AGBL4: variants seen among roughly 807,000 people sequenced by gnomAD.
The protein encoded by AGBL4 is cytosolic carboxypeptidase 6.
A neutral mutation model predicts 66.4 loss-of-function variants in AGBL4; 58 were observed. That is an observed-to-expected ratio of 0.87 (90% confidence interval 0.71 to 1.09). The LOEUF is 1.09. AGBL4 is among the 50% of genes least tolerant of loss of function. The pLI is 0.00. For missense variants in AGBL4, 579 were observed against 631.0 expected (o/e 0.92, Z 0.88); for synonymous variants, 234 against 222.9 (o/e 1.05, Z -0.44).
At chr1:49,948,458 T>A (rs1276244471) in intron 1 of AGBL4, among the ~76,000 whole-genome samples, 1 of 52,848 alleles carries the variant, frequency 1.9e-5, no homozygotes, top group Non-Finnish European at 3.9e-5. Flanking sequence ...TATATAAATA[T>A]AGATAAATAT....
chr1:48,683,003 C>T (rs997263003), intron 6 of AGBL4, among the ~76,000 whole-genome samples: 1 of 152,150 alleles, frequency 6.6e-6, no homozygotes, highest in Admixed American at 6.5e-5. Flanking sequence ...CCAAGAGATG[C>T]TTTAAAATTG....
intron 7 of AGBL4, among the ~76,000 whole-genome samples, chr1:48,659,843 G>A (rs927396656): frequency 3.9e-5 from 6 of 152,244 alleles, no homozygotes; most frequent in South Asian, 2.1e-4. Flanking sequence ...CACTTATTTA[G>A]TATTTTCTCT....
At chr1:49,162,702 C>G (rs549117848) in intron 4 of AGBL4, among the ~76,000 whole-genome samples, 1 of 152,222 alleles carries the variant, frequency 6.6e-6, no homozygotes, top group South Asian at 2.1e-4. Flanking sequence ...TTAATTATAG[C>G]TCTGTCATTT....
chr1:49,603,527 AAAATAAAT>A (rs59509776), intron 3 of AGBL4, among the ~76,000 whole-genome samples: 11,720 of 140,584 alleles, frequency 0.083, 601 homozygotes, highest in Non-Finnish European at 0.12. Context: ...TCCATCTCAA[AAAATAAAT>A]AAATAAATAA....
intron 6 of AGBL4, among the ~76,000 whole-genome samples, chr1:48,811,868 A>T (rs760697924): frequency 7.2e-5 from 11 of 152,180 alleles, no homozygotes; most frequent in Admixed American, 2.0e-4. Flanking sequence ...TGTCCAGGGC[A>T]TGGCTATCTC....
chr1:49,855,988 A>G (rs577563156), intron 1 of AGBL4, among the ~76,000 whole-genome samples: 96 of 152,100 alleles, frequency 6.3e-4, no homozygotes, highest in African/African-American at 2.3e-3. Flanking sequence ...AAATCGATAA[A>G]CTGCTAGCTA....
chr1:49,138,160 G>C (rs78210128), intron 4 of AGBL4, among the ~76,000 whole-genome samples: 3,631 of 152,240 alleles, frequency 0.024, 123 homozygotes, highest in African/African-American at 0.083. Context: ...CCAGACGTTA[G>C]AGAGCCTTGA....
intron 3 of AGBL4, chr1:49,527,184 G>A (rs1267040092): frequency 6.6e-6 from 1 of 152,006 alleles, no homozygotes; most frequent in East Asian, 1.9e-4. Flanking sequence ...GTCTTTAAAA[G>A]AAGGTGTATC....
chr1:49,881,936 G>C (rs1647371618), intron 1 of AGBL4, among the ~76,000 whole-genome samples: 1 of 152,046 alleles, frequency 6.6e-6, no homozygotes, highest in Non-Finnish European at 1.5e-5. Flanking sequence ...CATTGCTTTT[G>C]GTGTTTTGGA....
chr1:49,736,901 C>T (rs572313804), intron 2 of AGBL4, among the ~76,000 whole-genome samples: 1 of 151,840 alleles, frequency 6.6e-6, no homozygotes, highest in East Asian at 1.9e-4. Flanking sequence ...GGCCAACCAA[C>T]ATAGGTAAAA....
chr1:49,108,884 A>G (rs1645350453), intron 4 of AGBL4, among the ~76,000 whole-genome samples: 1 of 152,148 alleles, frequency 6.6e-6, no homozygotes, highest in Non-Finnish European at 1.5e-5. Flanking sequence ...AAAGTGCACT[A>G]AACTGCAGAC....
At chr1:48,717,603 C>T (rs2148527310) in intron 6 of AGBL4, among the ~76,000 whole-genome samples, 1 of 152,282 alleles carries the variant, frequency 6.6e-6, no homozygotes, top group Middle Eastern at 3.4e-3. Flanking sequence ...TTTCTACCAT[C>T]CTGCATTGCT....
chr1:48,714,295 T>A (rs1647013143), intron 6 of AGBL4, among the ~76,000 whole-genome samples: 1 of 152,166 alleles, frequency 6.6e-6, no homozygotes, highest in Non-Finnish European at 1.5e-5. Flanking sequence ...TATTTCTCCA[T>A]GGCCCCTCCA....
chr1:49,961,232 G>A (rs967023295), intron 1 of AGBL4, among the ~76,000 whole-genome samples: 4 of 152,102 alleles, frequency 2.6e-5, no homozygotes, highest in Non-Finnish European at 5.9e-5. Flanking sequence ...TTCTTGGCAA[G>A]TCATGGTGGC....
chr1:49,039,684 A>G (rs897274010), intron 5 of AGBL4, among the ~76,000 whole-genome samples: 1 of 152,062 alleles, frequency 6.6e-6, no homozygotes, highest in East Asian at 1.9e-4. Flanking sequence ...CACATAAAAA[A>G]CTAACTCACA....
chr1:49,338,316 T>C (rs1304042440), intron 3 of AGBL4, among the ~76,000 whole-genome samples: 1 of 152,216 alleles, frequency 6.6e-6, no homozygotes, highest in Non-Finnish European at 1.5e-5. Flanking sequence ...CACCTCTGCA[T>C]ATTAAAAATT....
At chr1:49,761,805 T>C (rs755620741) in intron 2 of AGBL4, among the ~76,000 whole-genome samples, 24 of 152,316 alleles carry the variant, frequency 1.6e-4, no homozygotes, top group Middle Eastern at 3.4e-3. Flanking sequence ...TTATTCCTCC[T>C]ACTTAATTGC....
At chr1:48,935,821 T>C (rs1298624451) in intron 5 of AGBL4, among the ~76,000 whole-genome samples, 1 of 150,808 alleles carries the variant, frequency 6.6e-6, no homozygotes, top group African/African-American at 2.4e-5. Flanking sequence ...CAGCTGGGCG[T>C]GGTAGCAGGC....
intron 4 of AGBL4, among the ~76,000 whole-genome samples, chr1:49,067,406 T>C (rs894695357): frequency 8.5e-5 from 13 of 152,358 alleles, no homozygotes; most frequent in Admixed American, 5.9e-4. Context: ...ACATGACCTC[T>C]ACCTACTTCA....
Sources: gnomAD v4.1 joint callset for allele counts (sites outside exome capture counted in the v4.1 genomes callset) on GRCh38, gnomAD v4.1.1 for gene constraint, MANE v1.5 for transcripts, NCBI Gene and HGNC (gene_info 2026-07-23, HGNC 2026-07-21) for gene names.